CES2: variants seen among roughly 807,000 people sequenced by gnomAD.
CES2 encodes carboxylesterase 2.
In CES2, 42 loss-of-function variants were observed where a neutral mutation model predicts 52.1. The ratio of observed to expected loss-of-function variants is 0.81; its 90% CI spans 0.63 to 1.04. The LOEUF (loss-of-function observed/expected upper bound fraction) is 1.04, where lower values mean the gene tolerates loss of function less well. CES2 is among the 50% of genes least tolerant of loss of function. The pLI is 0.00. For synonymous variants in CES2, 277 were observed against 289.6 expected (o/e 0.96, Z 0.44); for missense variants, 656 against 724.3 (o/e 0.91, Z 1.08).
rs1448505273 is a variant in CES2, at chr16:66,940,687, A to G, written c.808A>G (p.Ile270Val). The change falls in exon 5 of 12, where the codon ATC becomes GTC. Residue 270 changes from isoleucine to valine, a missense_variant. Ile to Val is a conservative substitution (Grantham distance 29). Coordinates refer to ENST00000317091, the MANE Select transcript of CES2 (RefSeq NM_001365405.1). ...CCTCATTGCCAGCTCAGCTGATGTC[A>G]TCTCCACGGTGAGTGCCCTCAGCTG... ...PGLIASSADV[I>V]STVVANLSAC... is the part of the protein sequence containing the mutation. 1.2e-6 allele frequency: 2 copies of G among 1,613,994 alleles called. No individual in the cohort carries two copies. Among genetic ancestry groups the G allele is most frequent in the South Asian group, 1.1e-5 (1 of 91,082 alleles).
rs551212030 is a variant in CES2, at chr16:66,937,600, T to G, written c.77-437T>G. On this transcript the variant is annotated intron_variant, in intron 1 of 11. Coordinates refer to ENST00000317091, the MANE Select transcript of CES2 (RefSeq NM_001365405.1). ...TCCCAGCCACAGCCATACTTTTCTC[T>G]TGCACCTCTTTTCACCAACATCACT... Among the ~76,000 whole-genome samples the G allele has an allele frequency of 2.0e-5, 3 of 152,308 alleles. No homozygotes were observed. In the East Asian group the frequency reaches 5.8e-4, roughly 29 times the overall value.
At chr16:66,935,748 C>T in intron 1 of CES2, 37 bp downstream of exon 1, 1 of 1,598,590 alleles carries the variant, frequency 6.3e-7, no homozygotes, top group Non-Finnish European at 8.5e-7. Flanking sequence ...GGACCGGGCT[C>T]AGATCTGCCA....
rs746323495 is a variant in CES2 at position 66,943,966 on chromosome 16, G to T, written c.1621G>T (p.Ala541Ser). Residue 541 changes from alanine to serine, a missense_variant, in exon 12 of 12, where the codon GCG becomes TCG. Transcript: ENST00000317091. The surrounding 1 kb of genome is among the most constrained non-coding windows in gnomAD (Gnocchi z 4.2). ...CCACAGGCTCCAGTTCTGGAAGAAG[G>T]CGCTGCCCCAAAAGATCCAGGAGCT... is the stretch of plus-strand genomic sequence containing the variant. The part of the protein sequence containing the change: ...KAHRLQFWKK[A>S]LPQKIQELEE... 6.2e-7 allele frequency: 1 copy of T among 1,602,158 alleles called. No homozygotes were observed. Among genetic ancestry groups the T allele is most frequent in the Non-Finnish European group, 8.5e-7 (1 of 1,171,876 alleles).
chr16:66,935,376 C>A, upstream of CES2: 1 of 1,501,216 alleles, frequency 6.7e-7, no homozygotes, highest in Non-Finnish European at 9.0e-7. Context: ...TCCGAGGATG[C>A]CAAAGGAGCC....
rs1183888673 is a variant in CES2, at chr16:66,943,445, G to A, written c.1493+74G>A. ...CCCATCCAGTGCTCTCCTAGTCTGG[G>A]GTGACCTCATGAGCACACCCGCATC... is the stretch of plus-strand genomic sequence containing the variant. On this transcript the variant is annotated intron_variant, in intron 11 of 11. Transcript: ENST00000317091. This position sits in a 1 kb window ranked among gnomAD's most constrained non-coding sequence, Gnocchi z 4.2. 3 of 1,517,994 alleles carry A rather than the reference G, an allele frequency of 2.0e-6. No homozygotes were observed. The African/African-American group carries it at 4.1e-5, about 21-fold the overall frequency. The allele number at this position is 1,517,994 out of a possible 1,614,324, so 94.0% of individuals were successfully genotyped here.
chr16:66,943,788 G>A lies in CES2; in HGVS notation c.1494-51G>A, dbSNP rs1490294395. 13 of 1,460,880 alleles carry A rather than the reference G, an allele frequency of 8.9e-6. No individual in the cohort carries two copies. The highest frequency in any genetic ancestry group is 4.1e-5 in the South Asian group (3 of 73,678). 90.5% of individuals were successfully genotyped at this position (1,460,880 alleles called of 1,614,324 possible). On this transcript the variant is annotated intron_variant, in intron 11 of 11. Coordinates refer to ENST00000317091, the MANE Select transcript of CES2 (RefSeq NM_001365405.1). This position sits in a 1 kb window ranked among gnomAD's most constrained non-coding sequence, Gnocchi z 4.2. ...CTCAGGGTGCTCAGGTCTGGGCTTC[G>A]GGGGCCCAGAGTGACCCTCATACTG...
intron 9 of CES2, 125 bp from the exon 10 acceptor site, chr16:66,942,523 C>A: frequency 9.2e-7 from 1 of 1,088,264 alleles, no homozygotes; most frequent in Non-Finnish European, 1.3e-6. Context: ...CTGCCCCAGC[C>A]TGGGGCTCCA....
At chr16:66,942,317 C>T in intron 9 of CES2, 68 bp downstream of exon 9, 1 of 1,504,626 alleles carries the variant, frequency 6.6e-7, no homozygotes, top group Non-Finnish European at 9.0e-7. Context: ...CAGGTGAGAC[C>T]TGCTGCTGTC....
In CES2 at chr16:66,943,967, C is replaced by T. The variant is rs775667389; in HGVS notation, c.1622C>T (p.Ala541Val). 15 of 1,600,454 alleles carry T rather than the reference C, an allele frequency of 9.4e-6. No homozygotes were observed. The highest frequency in any genetic ancestry group is 4.5e-5 in the East Asian group (2 of 44,368). ...CACAGGCTCCAGTTCTGGAAGAAGGCGCTGCCCCAAAAGATCCAGGAGCTC... is the reference window on the plus strand; with the variant it reads ...CACAGGCTCCAGTTCTGGAAGAAGGTGCTGCCCCAAAAGATCCAGGAGCTC... Reference protein sequence around the residue: ...KAHRLQFWKKALPQKIQELEE... With the variant: ...KAHRLQFWKKVLPQKIQELEE... Residue 541 changes from alanine to valine, a missense_variant, in exon 12 of 12, where the codon GCG (alanine) becomes GTG (valine). Transcript: ENST00000317091. This position sits in a 1 kb window ranked among gnomAD's most constrained non-coding sequence, Gnocchi z 4.2.
At chr16:66,935,841 C>G (rs757073211) in intron 1 of CES2, 130 bp downstream of exon 1, 16 of 1,555,786 alleles carry the variant, frequency 1.0e-5, no homozygotes, top group Non-Finnish European at 1.4e-5. Flanking sequence ...GCGTGGAACT[C>G]GTGAGCCCCA....
intron 1 of CES2, chr16:66,935,969 C>T (rs1963201554): frequency 7.1e-7 from 1 of 1,404,282 alleles, no homozygotes; most frequent in Non-Finnish European, 9.3e-7. Flanking sequence ...CGGGACATGC[C>T]AGGCCGGGTA....
intron 6 of CES2, 94 bp downstream of exon 6, chr16:66,941,316 C>T (rs972316965): frequency 6.5e-6 from 10 of 1,548,374 alleles, no homozygotes; most frequent in Non-Finnish European, 7.9e-6. Context: ...GGCACATTAC[C>T]TCATCTGCAT....
rs1963382570 is a variant in CES2 at position 66,942,147 on chromosome 16, A to G, written c.1180A>G (p.Ile394Val). Residue 394 changes from isoleucine (I) to valine (V), a missense_variant, in exon 9 of 12, where the codon ATT becomes GTT. Ile to Val is a conservative substitution (Grantham distance 29). Coordinates refer to ENST00000317091, the MANE Select transcript of CES2 (RefSeq NM_001365405.1). ...TFGDLLREEY[I>V]GDNGDPQTLQ... ...TGGTGACCTGCTGAGGGAGGAGTACATTGGGGACAATGGGGATCCCCAGAC... is the reference window on the plus strand; with the variant it reads ...TGGTGACCTGCTGAGGGAGGAGTACGTTGGGGACAATGGGGATCCCCAGAC... 1.9e-6 allele frequency: 3 copies of G among 1,613,420 alleles called. No homozygotes were observed. The highest frequency in any genetic ancestry group is 1.7e-6 in the Non-Finnish European group (2 of 1,179,464).
At chr16:66,934,520 C>T (rs1332965479), upstream of CES2, 55 of 1,207,816 alleles carry the variant, frequency 4.6e-5, no homozygotes, top group Non-Finnish European at 5.9e-5. This position sits in a 1 kb window ranked among gnomAD's most constrained non-coding sequence, Gnocchi z 4.1. Context: ...GAAGCGGTGA[C>T]CGCGGCCCTG....
intron 1 of CES2, chr16:66,935,959 C>T (rs951989104): frequency 5.0e-6 from 7 of 1,410,834 alleles, no homozygotes; most frequent in South Asian, 1.5e-5. Context: ...CCAGGAGCGC[C>T]GGGACATGCC....
intron 9 of CES2, 29 bp from the exon 10 acceptor site, chr16:66,942,619 C>G (rs765922982): frequency 1.2e-6 from 2 of 1,612,500 alleles, no homozygotes; most frequent in Admixed American, 1.7e-5. Flanking sequence ...GGGGAGGGGC[C>G]ACCGTGTCAT....
intron 9 of CES2, 84 bp downstream of exon 9, chr16:66,942,333 C>T: frequency 7.0e-7 from 1 of 1,425,060 alleles, no homozygotes; most frequent in South Asian, 1.3e-5. Context: ...CTGTCCGGGT[C>T]AGCACTCATG....
At chr16:66,935,843 T>G (rs1303780945) in intron 1 of CES2, 132 bp downstream of exon 1, 22 of 1,551,908 alleles carry the variant, frequency 1.4e-5, no homozygotes, top group Non-Finnish European at 1.7e-5. Context: ...GTGGAACTCG[T>G]GAGCCCCACG....
chr16:66,942,937 C>T, intron 10 of CES2, 152 bp downstream of exon 10: 1 of 1,373,676 alleles, frequency 7.3e-7, no homozygotes, highest in Non-Finnish European at 9.8e-7. Context: ...AAAAGCTGCA[C>T]CAGGATTAGA....
Sources: gnomAD v4.1 joint callset for allele counts (sites outside exome capture counted in the v4.1 genomes callset) on GRCh38, gnomAD v4.1.1 for gene constraint, Gnocchi (gnomAD v3.1) non-coding constraint, MANE v1.5 for transcripts, NCBI Gene and HGNC (gene_info 2026-07-23, HGNC 2026-07-21) for gene names.